Variants in ITIH6 observed in about 807,000 individuals in gnomAD.
The protein encoded by ITIH6 is inter-alpha-trypsin inhibitor heavy chain H6.
ITIH6 carries 60 observed loss-of-function variants against 58.2 expected under a neutral mutation model. That is an observed-to-expected ratio of 1.03 (90% confidence interval 0.84 to 1.28). The LOEUF (loss-of-function observed/expected upper bound fraction) is 1.28. Among genes scored for constraint, ITIH6 ranks in the 50% most tolerant of loss-of-function variants. ITIH6 has a pLI of 0.00. For synonymous variants in ITIH6, 493 were observed against 417.4 expected (o/e 1.18, Z -2.21); for missense variants, 1,290 against 1,021.1 (o/e 1.26, Z -3.59).
intron 5 of ITIH6, among the ~76,000 whole-genome samples, chrX:54,786,766 C>A (rs1929249710): frequency 9.0e-6 from 1 of 110,859 alleles, no homozygotes; most frequent in African/African-American, 3.3e-5. Context: ...GGCACTTCTA[C>A]CTTAGTGTCA....
chrX:54,766,022 G>C (rs758546280), intron 6 of ITIH6, among the ~76,000 whole-genome samples: 11 of 111,290 alleles, frequency 9.9e-5, no homozygotes, highest in African/African-American at 3.6e-4. Context: ...TCCTACCCAT[G>C]AGCATGGAAT....
In ITIH6 at chrX:54,788,642, C is replaced by T; in HGVS notation, c.624G>A (p.Val208=). ...RLRTNAHASE[V]DSPPSTRIER... ...CGATCCTGGTGGATGGGGGTGAATC[C>T]ACCTCACCTGTATGGGTGGGGAGGA... Residue 208 remains valine, a synonymous_variant, in exon 5 of 13, where the codon GTG becomes GTA. Transcript: ENST00000218436. 1 of 1,207,654 alleles carries T rather than the reference C, an allele frequency of 8.3e-7. No homozygotes were observed. Among genetic ancestry groups the T allele is most frequent in the Non-Finnish European group, 1.1e-6 (1 of 892,269 alleles).
intron 5 of ITIH6, among the ~76,000 whole-genome samples, chrX:54,782,728 A>G (rs923632725): frequency 3.6e-5 from 4 of 111,943 alleles, no homozygotes; most frequent in Non-Finnish European, 7.5e-5. Flanking sequence ...AAGGCCCAGG[A>G]CCTGATGACT....
rs748734617 is a variant in ITIH6 at position 54,758,872 on chromosome X, G to A, written c.1202C>T (p.Thr401Met). ...CACACTGGGGGTCGTCACGCCGGCC[G>A]TGGGCTCCCCATCCGTCAGGAAGAT... is the stretch of plus-strand genomic sequence containing the variant. ...LIIFLTDGEP[T>M]AGVTTPSVIL... The change falls in exon 8 of 13, where the codon ACG (threonine) becomes ATG (methionine). Residue 401 changes from threonine to methionine, a missense_variant. By Grantham distance (81) the Thr-to-Met change is moderately conservative (BLOSUM62 -1). Transcript: ENST00000218436. 11 of 1,211,260 alleles carry A rather than the reference G, an allele frequency of 9.1e-6. No homozygotes were observed. The highest frequency in any genetic ancestry group is 4.3e-5 in the Admixed American group (2 of 46,040).
At chrX:54,754,961 T>C in intron 9 of ITIH6, 56 bp downstream of exon 9, 2 of 907,289 alleles carry the variant, frequency 2.2e-6, no homozygotes, top group Non-Finnish European at 1.6e-6. Context: ...ATAAGAATTC[T>C]AATGGAATGG....
intron 6 of ITIH6, among the ~76,000 whole-genome samples, chrX:54,773,393 C>G (rs1345608698): frequency 9.0e-6 from 1 of 111,543 alleles, no homozygotes; most frequent in Non-Finnish European, 1.9e-5. Context: ...GGTTGCTCAA[C>G]TCTGGTAAAA....
chrX:54,770,794 C>T (rs759756210), intron 6 of ITIH6, among the ~76,000 whole-genome samples: 1 of 112,653 alleles, frequency 8.9e-6, no homozygotes, highest in African/African-American at 3.2e-5. Context: ...CCTTCTCCAA[C>T]ACTTTTCCTT....
rs773378547 is a variant in ITIH6 at position 54,757,781 on chromosome X, G to GT, written c.2292dup (p.Pro765ThrfsTer10). ...GCTTTGGGCGAGGCTGGGATGCCAGGTTTCACAGGTGGGACTTGTGTCCTG... is the reference window on the plus strand; with the variant it reads ...GCTTTGGGCGAGGCTGGGATGCCAGGTTTTCACAGGTGGGACTTGTGTCCTG... On this transcript the variant is annotated frameshift_variant, in exon 8 of 13. Coordinates refer to ENST00000218436, the MANE Select transcript of ITIH6 (RefSeq NM_198510.3). LOFTEE classifies it high-confidence loss of function. The GT allele has an allele frequency of 5.8e-6, 7 of 1,211,631 alleles. No homozygotes were observed. The Admixed American group carries it at 1.5e-4, about 26-fold the overall frequency.
chrX:54,765,814 G>A (rs1928771047), intron 6 of ITIH6, among the ~76,000 whole-genome samples: 1 of 109,569 alleles, frequency 9.1e-6, no homozygotes, highest in South Asian at 3.9e-4. Context: ...ATAGTTTGAA[G>A]TCAGGTAGTG....
At chrX:54,774,019 G>A (rs1044175098) in intron 6 of ITIH6, 62 bp downstream of exon 6, 2 of 673,282 alleles carry the variant, frequency 3.0e-6, no homozygotes, top group Middle Eastern at 4.6e-4. Flanking sequence ...TTGTTACCAC[G>A]CTCTCTGCTT....
chrX:54,757,917 T>G lies in ITIH6; in HGVS notation c.2157A>C (p.Pro719=). The G allele has an allele frequency of 8.3e-7, 1 of 1,211,678 alleles. No individual in the cohort carries two copies. Among genetic ancestry groups the G allele is most frequent in the Non-Finnish European group, 1.1e-6 (1 of 895,364 alleles). The change falls in exon 8 of 13, where the codon CCA becomes CCC. Residue 719 remains proline, a synonymous_variant. Transcript: ENST00000218436. Reference sequence around the variant, plus strand: ...GAATGGTAGGTTTTGTCCTGAGAGTTGGCTGGGCCAAGGTGCCAGAATCCT... The same window carrying G: ...GAATGGTAGGTTTTGTCCTGAGAGTGGGCTGGGCCAAGGTGCCAGAATCCT... ...AQQDSGTLAQ[P]TLRTKPTILV...
Position 54,749,959 on chromosome X carries a change from C to T in ITIH6, c.3878G>A (p.Trp1293Ter), listed in dbSNP as rs1928318738. The change falls in exon 13 of 13, where the codon TGG (tryptophan) becomes TAG (stop). Residue 1293 changes from tryptophan (W) to a stop codon, truncating the protein, a stop_gained. Transcript: ENST00000218436. LOFTEE classifies it high-confidence loss of function. ...CTCTACATGAGAGCGCTTCACCAGC[C>T]AGCAGGAAGCCCAGCGGGGCAGCAG... ...PRLLPRWASC[W>*]LVKRSHVELL... is the part of the protein sequence containing the mutation. 1 of 1,211,828 alleles carries T rather than the reference C, an allele frequency of 8.3e-7. No homozygotes were observed. Among genetic ancestry groups the T allele is most frequent in the Non-Finnish European group, 1.1e-6 (1 of 895,495 alleles).
Position 54,758,843 on chromosome X carries a change from G to C in ITIH6, c.1231C>G (p.Leu411Val), listed in dbSNP as rs1349472809. ...CCTAGCGCCTGACGGACATTGGAGA[G>C]GATCACACTGGGGGTCGTCACGCCG... Reference protein sequence around the residue: ...TAGVTTPSVILSNVRQALGHR... With the variant: ...TAGVTTPSVIVSNVRQALGHR... Residue 411 changes from leucine to valine, a missense_variant, in exon 8 of 13, where the codon CTC (leucine) becomes GTC (valine). Transcript: ENST00000218436. 3 of 1,209,675 alleles carry C rather than the reference G, an allele frequency of 2.5e-6. No homozygotes were observed. The highest frequency in any genetic ancestry group is 3.4e-6 in the Non-Finnish European group (3 of 895,123).
At position 54,781,473 on chromosome X, in the gene ITIH6, TG is replaced by T; in HGVS notation, c.786+7006del. 2.7e-5 allele frequency among the ~76,000 whole-genome samples: 3 copies of T among 111,930 alleles called. No individual in the cohort carries two copies. The South Asian group carries it at 1.1e-3, about 41-fold the overall frequency. On this transcript the variant is annotated intron_variant, in intron 5 of 12. Transcript: ENST00000218436. ...GACATACATGCGGCTAACAACCATA[TG>T]AAAAAAAGCTCAACATCGTTGATCA...
rs1928338019 is a variant in ITIH6 at position 54,750,884 on chromosome X, A to C, written c.3730+119T>G. Reference sequence around the variant, plus strand: ...CCTCTCCCAAGATGAGGAGCTCCCCAAGGGAAGAGTCTGTTGCTGATTCCT... The same window carrying C: ...CCTCTCCCAAGATGAGGAGCTCCCCCAGGGAAGAGTCTGTTGCTGATTCCT... On this transcript the variant is annotated intron_variant, in intron 12 of 12. Coordinates refer to ENST00000218436, the MANE Select transcript of ITIH6 (RefSeq NM_198510.3). 3.9e-6 allele frequency: 3 copies of C among 768,893 alleles called. No homozygotes were observed. In the East Asian group the frequency reaches 1.0e-4, roughly 27 times the overall value. The allele number at this position is 768,893 out of a possible 1,213,427, so 63.4% of individuals were successfully genotyped here.
chrX:54,757,975 G>A lies in ITIH6; in HGVS notation c.2099C>T (p.Pro700Leu). The change falls in exon 8 of 13, where the codon CCC (proline) becomes CTC (leucine). Residue 700 changes from proline (P) to leucine (L), a missense_variant. By Grantham distance (98) the Pro-to-Leu change is moderately conservative. Transcript: ENST00000218436. ...LGESPHTLSM[P>L]TYPKAKIPAQ... ...TGGAATTTTGGCCTTTGGGTATGTG[G>A]GCATTGACAGGGTATGAGGGCTCTC... 8.3e-7 allele frequency: 1 copy of A among 1,211,808 alleles called. No individual in the cohort carries two copies.
At chrX:54,778,442 G>A (rs181438042) in intron 5 of ITIH6, among the ~76,000 whole-genome samples, 44 of 111,388 alleles carry the variant, frequency 4.0e-4, no homozygotes, top group Non-Finnish European at 1.1e-4. Context: ...TGGTCCACCC[G>A]TCTCAGCATC....
In ITIH6 at chrX:54,749,773, C is replaced by T. The variant is rs1928312939; in HGVS notation, c.*122G>A. 3.9e-6 allele frequency: 2 copies of T among 507,825 alleles called. No individual in the cohort carries two copies. The highest frequency in any genetic ancestry group is 3.9e-5 in the Admixed American group (1 of 25,479). 41.9% of individuals were successfully genotyped at this position (507,825 alleles called of 1,213,427 possible). On this transcript the variant is annotated 3_prime_UTR_variant, in exon 13 of 13. Coordinates refer to ENST00000218436, the MANE Select transcript of ITIH6 (RefSeq NM_198510.3). ...TTGTATATGTGTTCCTTAGAACATG[C>T]GTGAGTCTGTGTGTCCCTGTGTGTG...
chrX:54,758,211 C>G lies in ITIH6; in HGVS notation c.1863G>C (p.Arg621Ser). 1 of 1,211,052 alleles carries G rather than the reference C, an allele frequency of 8.3e-7. No homozygotes were observed. The highest frequency in any genetic ancestry group is 1.1e-6 in the Non-Finnish European group (1 of 895,144). Residue 621 changes from arginine to serine, a missense_variant, in exon 8 of 13, where the codon AGG (arginine) becomes AGC (serine). Transcript: ENST00000218436. The part of the protein sequence containing the change: ...VQPKQASEET[R>S]RQTSTSAGPD... ...GCCCAGCAGAGGTGGAAGTCTGTCT[C>G]CTGGTCTCCTCACTGGCCTGTTTGG...
Sources: allele counts gnomAD v4.1 joint callset (sites outside exome capture counted in the v4.1 genomes callset), GRCh38; gene constraint gnomAD v4.1.1; transcripts MANE v1.5; gene names NCBI Gene and HGNC (gene_info 2026-07-23, HGNC 2026-07-21).